CLSTN2: variants seen among roughly 807,000 people sequenced by gnomAD.
CLSTN2 encodes calsyntenin 2.
A neutral mutation model predicts 101.2 loss-of-function variants in CLSTN2; 48 were observed. The observed-to-expected ratio is 0.47, with a 90% CI of 0.38 to 0.60. The LOEUF is 0.60. CLSTN2 is among the 20% of genes least tolerant of loss of function. The pLI is 0.00. For missense variants in CLSTN2, 1,160 were observed against 1,238.2 expected, an observed-to-expected ratio of 0.94 and a Z score of 0.95; for synonymous variants, 481 against 463.6, an observed-to-expected ratio of 1.04 and a Z score of -0.48.
chr3:140,076,791 G>A (rs981506736), intron 1 of CLSTN2, among the ~76,000 whole-genome samples: 8 of 151,974 alleles, frequency 5.3e-5, no homozygotes, highest in African/African-American at 1.9e-4. Flanking sequence ...GAATTATTCT[G>A]TATATCTTTA....
At chr3:140,240,692 G>C (rs1197656784) in intron 2 of CLSTN2, among the ~76,000 whole-genome samples, 3 of 152,136 alleles carry the variant, frequency 2.0e-5, no homozygotes, top group Non-Finnish European at 4.4e-5. Flanking sequence ...GGTGATCCTT[G>C]ACCTTACTCT....
intron 2 of CLSTN2, among the ~76,000 whole-genome samples, chr3:140,379,526 G>A (rs1183966399): frequency 6.6e-6 from 1 of 152,160 alleles, no homozygotes; most frequent in African/African-American, 2.4e-5. Context: ...TCATTTCCTA[G>A]GAGGTTGACA....
chr3:140,371,115 CA>C (rs1175368039), intron 2 of CLSTN2, among the ~76,000 whole-genome samples: 1 of 152,210 alleles, frequency 6.6e-6, no homozygotes, highest in Non-Finnish European at 1.5e-5. Flanking sequence ...CAATGTGTTT[CA>C]CAGGCAATTC....
intron 1 of CLSTN2, among the ~76,000 whole-genome samples, chr3:140,148,533 A>T (rs1031809511): frequency 9.2e-5 from 14 of 152,234 alleles, no homozygotes; most frequent in African/African-American, 3.1e-4. Context: ...TAATGTAATG[A>T]TAATGCAAGT....
intron 1 of CLSTN2, among the ~76,000 whole-genome samples, chr3:140,017,692 G>A (rs371693187): frequency 1.3e-5 from 2 of 152,358 alleles, no homozygotes; most frequent in East Asian, 3.9e-4. Context: ...TCCTTTCCAA[G>A]AGGAGGGGAG....
At chr3:140,331,302 T>C (rs1349633149) in intron 2 of CLSTN2, among the ~76,000 whole-genome samples, 1 of 152,192 alleles carries the variant, frequency 6.6e-6, no homozygotes, top group Non-Finnish European at 1.5e-5. Flanking sequence ...CTACCTGGGC[T>C]GGCAGCTGAT....
chr3:140,573,563 C>G lies in CLSTN2; in HGVS notation c.*7310C>G, dbSNP rs1305913218. On this transcript the variant is annotated 3_prime_UTR_variant, in exon 17 of 17. Transcript: ENST00000458420. ...TCCACAGACCTTTGAAAGGAACTTG[C>G]TGGTACTTTGTCAGTCGTGTACACC... 6.6e-6 allele frequency: 1 copy of G among 152,168 alleles called. No homozygotes were observed. The highest frequency in any genetic ancestry group is 1.5e-5 in the Non-Finnish European group (1 of 68,030). The allele number at this position is 152,168 out of a possible 1,614,324, so 9.4% of individuals were successfully genotyped here.
intron 4 of CLSTN2, among the ~76,000 whole-genome samples, chr3:140,408,544 C>T (rs558264416): frequency 3.3e-5 from 5 of 152,330 alleles, no homozygotes; most frequent in East Asian, 3.9e-4. Flanking sequence ...CATTACGGAA[C>T]TCAGCAGCTT....
Position 140,311,287 on chromosome 3 carries a change from C to CTTTTTTTTTTTTTTTT in CLSTN2, c.233-92321_233-92306dup, listed in dbSNP as rs750088450. 3.5e-4 allele frequency among the ~76,000 whole-genome samples: 18 copies of CTTTTTTTTTTTTTTTT among 52,082 alleles called. 2 individuals carry two copies. Among genetic ancestry groups the CTTTTTTTTTTTTTTTT allele is most frequent in the African/African-American group, 8.5e-4 (9 of 10,626 alleles). 34.2% of individuals were successfully genotyped at this position (52,082 alleles called of 152,430 possible). A position where few individuals can be genotyped will look rare whatever the true frequency, so the allele number is the denominator to read the frequency against. ...ATAATAACAGCTAAGGTTTATTATC[C>CTTTTTTTTTTTTTTTT]TTTTTTTTTTTTTTTTTTTTTTTTT... is the stretch of plus-strand genomic sequence containing the variant. On this transcript the variant is annotated intron_variant, in intron 2 of 16. Coordinates refer to ENST00000458420, the MANE Select transcript of CLSTN2 (RefSeq NM_022131.3).
chr3:140,379,541 A>G (rs2087956202), intron 2 of CLSTN2, among the ~76,000 whole-genome samples: 5 of 152,208 alleles, frequency 3.3e-5, no homozygotes. Flanking sequence ...TTGACATCAG[A>G]GTAGTGGAGT....
At chr3:140,319,654 A>G (rs1311207220) in intron 2 of CLSTN2, among the ~76,000 whole-genome samples, 2 of 152,248 alleles carry the variant, frequency 1.3e-5, no homozygotes, top group Non-Finnish European at 2.9e-5. Context: ...AACAGCATCC[A>G]CAGGTACCAT....
At chr3:140,353,246 T>TATATATATATGTATGTTTACAC (rs1553735430) in intron 2 of CLSTN2, among the ~76,000 whole-genome samples, 1 of 45,520 alleles carries the variant, frequency 2.2e-5, no homozygotes, top group Non-Finnish European at 6.6e-5. Flanking sequence ...TTTACACATA[T>TATATATATATGTATGTTTACAC]ATATATATAT....
intron 2 of CLSTN2, among the ~76,000 whole-genome samples, chr3:140,192,375 C>G (rs936350988): frequency 6.6e-6 from 1 of 151,822 alleles, no homozygotes; most frequent in East Asian, 1.9e-4. Context: ...CGGACTAGTT[C>G]TATGAATTAT....
At chr3:139,954,460 C>T (rs1283872779) in intron 1 of CLSTN2, among the ~76,000 whole-genome samples, 2 of 152,156 alleles carry the variant, frequency 1.3e-5, no homozygotes, top group Admixed American at 6.5e-5. Context: ...GTGATTTTTC[C>T]TCTGGGCTCA....
intron 2 of CLSTN2, among the ~76,000 whole-genome samples, chr3:140,277,271 A>C (rs569989419): frequency 1.3e-5 from 2 of 152,284 alleles, no homozygotes; most frequent in East Asian, 3.9e-4. Flanking sequence ...TGATGAGATA[A>C]ATTGCAGGTC....
At chr3:140,231,994 A>G (rs924519858) in intron 2 of CLSTN2, among the ~76,000 whole-genome samples, 1 of 152,216 alleles carries the variant, frequency 6.6e-6, no homozygotes, top group African/African-American at 2.4e-5. Flanking sequence ...ATGTAACCGG[A>G]TAATGGGTAC....
intron 2 of CLSTN2, among the ~76,000 whole-genome samples, chr3:140,207,906 G>T (rs1462261581): frequency 6.6e-6 from 1 of 152,054 alleles, no homozygotes; most frequent in Non-Finnish European, 1.5e-5. Flanking sequence ...GTTATGGGGT[G>T]TGTGAGTTTC....
chr3:140,293,739 C>G (rs1472021815), intron 2 of CLSTN2, among the ~76,000 whole-genome samples: 4 of 152,030 alleles, frequency 2.6e-5, no homozygotes, highest in Non-Finnish European at 5.9e-5. Context: ...GCTGAGGCAC[C>G]CTGACAATTT....
At chr3:140,222,794 C>A (rs1385288489) in intron 2 of CLSTN2, among the ~76,000 whole-genome samples, 1 of 150,952 alleles carries the variant, frequency 6.6e-6, no homozygotes, top group Non-Finnish European at 1.5e-5. Context: ...ACATTATATG[C>A]CTGTATCAAA....
Sources: allele counts gnomAD v4.1 joint callset (sites outside exome capture counted in the v4.1 genomes callset), GRCh38; gene constraint gnomAD v4.1.1; transcripts MANE v1.5; gene names NCBI Gene and HGNC (gene_info 2026-07-23, HGNC 2026-07-21).